The following AKAP8L variants were observed in gnomAD, a reference collection of about 807,000 sequenced individuals.
The protein encoded by AKAP8L is A-kinase anchoring protein 8 like, also known as A-kinase anchor protein 8-like.
In AKAP8L, 34 loss-of-function variants were observed where a neutral mutation model predicts 77.5. The ratio of observed to expected loss-of-function variants is 0.44; its 90% confidence interval spans 0.33 to 0.58. AKAP8L has a LOEUF of 0.58. Ranked by LOEUF, AKAP8L falls within the 20% of genes least tolerant of loss-of-function variation. The pLI is 0.02. For missense variants in AKAP8L, 806 were observed against 887.6 expected, an observed-to-expected ratio of 0.91 and a Z score of 1.17; for synonymous variants, 342 against 340.7, an observed-to-expected ratio of 1.00 and a Z score of -0.04.
At position 15,380,588 on chromosome 19, in the gene AKAP8L, A is replaced by C; in HGVS notation, c.1561T>G (p.Ser521Ala). 6.2e-7 allele frequency: 1 copy of C among 1,613,550 alleles called. No individual in the cohort carries two copies. The highest frequency in any genetic ancestry group is 2.2e-5 in the East Asian group (1 of 44,852). The change falls in exon 13 of 14, where the codon TCC (serine) becomes GCC (alanine). Residue 521 changes from serine to alanine, a missense_variant. By Grantham distance (99) the Ser-to-Ala change is moderately conservative. Transcript: ENST00000397410. ...RRLMMEQSKK[S>A]SLMVARSILN... ...ATACTGCGGGCCACCATGAGGGAGGACTTCTTGGACTGCTCCATCATGAGC... is the reference window on the plus strand; with the variant it reads ...ATACTGCGGGCCACCATGAGGGAGGCCTTCTTGGACTGCTCCATCATGAGC...
intron 12 of AKAP8L, chr19:15,382,168 AACTATTTTCTG>A (rs1371494872): frequency 1.3e-5 from 2 of 151,038 alleles, no homozygotes; most frequent in Admixed American, 1.3e-4. Flanking sequence ...ATAATTTTCT[AACTATTTTCTG>A]ATCTTGGTTT....
intron 8 of AKAP8L, chr19:15,400,020 C>T (rs1967858660): frequency 3.6e-6 from 2 of 549,870 alleles, no homozygotes; most frequent in East Asian, 3.1e-5. Context: ...GCCTGGGGTT[C>T]CCCACACTTT....
chr19:15,416,067 T>A (rs1407635192), intron 1 of AKAP8L, among the ~76,000 whole-genome samples: 1 of 151,812 alleles, frequency 6.6e-6, no homozygotes, highest in Non-Finnish European at 1.5e-5. Context: ...CCTCAAGCAA[T>A]CTTCCTGCCT....
At position 15,403,392 on chromosome 19, in the gene AKAP8L, G is replaced by A; in HGVS notation, c.362+83C>T. ...AGCGGGGAGGAAGCAGACACAGAGG[G>A]GCACTCAGAGAGGAAAACGCAGTGG... On this transcript the variant is annotated intron_variant, in intron 4 of 13. Coordinates refer to ENST00000397410, the MANE Select transcript of AKAP8L (RefSeq NM_014371.4). The surrounding 1 kb of genome is among the most constrained non-coding windows in gnomAD (Gnocchi z 4.3). The A allele has an allele frequency of 1.5e-6, 2 of 1,320,834 alleles. No individual in the cohort carries two copies. Among genetic ancestry groups the A allele is most frequent in the East Asian group, 2.3e-5 (1 of 43,416 alleles). 81.8% of individuals were successfully genotyped at this position (1,320,834 alleles called of 1,614,324 possible). A position where few individuals can be genotyped will look rare whatever the true frequency, so the allele number is the denominator to read the frequency against.
intron 12 of AKAP8L, among the ~76,000 whole-genome samples, chr19:15,395,848 G>C (rs1204518915): frequency 6.9e-6 from 1 of 144,280 alleles, no homozygotes; most frequent in African/African-American, 2.5e-5. Flanking sequence ...GCCGGGCGTG[G>C]TAGCGGGCGC....
chr19:15,411,351 A>T (rs1968101207), intron 1 of AKAP8L, among the ~76,000 whole-genome samples: 1 of 152,208 alleles, frequency 6.6e-6, no homozygotes, highest in Non-Finnish European at 1.5e-5. Context: ...AAAAGTGTGT[A>T]TAACAATTAT....
Position 15,399,384 on chromosome 19 carries a change from C to G in AKAP8L, c.1075G>C (p.Gly359Arg). 1.2e-6 allele frequency: 2 copies of G among 1,613,920 alleles called. No homozygotes were observed. The highest frequency in any genetic ancestry group is 1.7e-6 in the Non-Finnish European group (2 of 1,179,864). The part of the protein sequence containing the change: ...KGALTTQDEN[G>R]QTKRKLQAGK... ...GCCTGCAACTTGCGCTTGGTCTGGC[C>G]ATTTTCATCCTGGGTGGTTAGGGCC... The change falls in exon 9 of 14, where the codon GGC (glycine) becomes CGC (arginine). Residue 359 changes from glycine (G) to arginine (R), a missense_variant. Gly to Arg is a moderately radical substitution (Grantham distance 125). This residue lies in a region of AKAP8L where 580 missense variants were observed against 694.1 expected (regional missense o/e 0.84). Transcript: ENST00000397410. The surrounding 1 kb of genome is among the most constrained non-coding windows in gnomAD (Gnocchi z 6.1).
intron 12 of AKAP8L, among the ~76,000 whole-genome samples, chr19:15,385,491 G>T (rs937825920): frequency 6.6e-6 from 1 of 152,130 alleles, no homozygotes; most frequent in Non-Finnish European, 1.5e-5. Flanking sequence ...ACTGTTGCTA[G>T]ATTTCTTAGG....
intron 12 of AKAP8L, among the ~76,000 whole-genome samples, chr19:15,384,921 A>AGT (rs1382461072): frequency 2.0e-5 from 3 of 151,576 alleles, no homozygotes; most frequent in African/African-American, 7.3e-5. Flanking sequence ...CCCAGGCTGG[A>AGT]GTGCAGTGGC....
Position 15,397,707 on chromosome 19 carries a change from G to C in AKAP8L, c.1299+7C>G. The C allele has an allele frequency of 6.2e-7, 1 of 1,614,002 alleles. No homozygotes were observed. Among genetic ancestry groups the C allele is most frequent in the Non-Finnish European group, 8.5e-7 (1 of 1,179,884 alleles). ...ACTAAGAGCGGCTGTGTTACTCCAA[G>C]GCTCACCTGCAGAAAGTCAGCCGTC... On this transcript the variant is annotated splice_region_variant and intron_variant, in intron 10 of 13. Transcript: ENST00000397410. The surrounding 1 kb of genome is among the most constrained non-coding windows in gnomAD (Gnocchi z 4.7).
chr19:15,396,469 T>G (rs1000782953), intron 12 of AKAP8L, among the ~76,000 whole-genome samples: 2 of 152,204 alleles, frequency 1.3e-5, no homozygotes, highest in Non-Finnish European at 2.9e-5. Flanking sequence ...TCTCTTGCCT[T>G]ATGTTCTCCA....
Position 15,397,838 on chromosome 19 carries a change from G to C in AKAP8L, c.1175C>G (p.Ser392Cys). Reference sequence around the variant, plus strand: ...ATAGAAGGTCCGGTATTTGCACAGAGAACACACAAACTGGATCCTGCCACA... The same window carrying C: ...ATAGAAGGTCCGGTATTTGCACAGACAACACACAAACTGGATCCTGCCACA... ...RMVERIQFVC[S>C]LCKYRTFYED... The change falls in exon 10 of 14, where the codon TCT becomes TGT. Residue 392 changes from serine (S) to cysteine (C), a missense_variant. This residue lies in a region of AKAP8L where 580 missense variants were observed against 694.1 expected (regional missense o/e 0.84). Coordinates refer to ENST00000397410, the MANE Select transcript of AKAP8L (RefSeq NM_014371.4). This position sits in a 1 kb window ranked among gnomAD's most constrained non-coding sequence, Gnocchi z 4.7. The C allele has an allele frequency of 6.2e-7, 1 of 1,613,906 alleles. No homozygotes were observed. The highest frequency in any genetic ancestry group is 8.5e-7 in the Non-Finnish European group (1 of 1,179,860).
rs1215669269 is a variant in AKAP8L at position 15,397,765 on chromosome 19, G to A, written c.1248C>T (p.His416=). 6.2e-7 allele frequency: 1 copy of A among 1,613,920 alleles called. No individual in the cohort carries two copies. Among genetic ancestry groups the A allele is most frequent in the Non-Finnish European group, 8.5e-7 (1 of 1,179,898 alleles). ...SHLDSKFHKE[H]FKYVGTKLPK... The stretch of plus-strand genomic sequence containing the variant: ...GGAGCTTGGTGCCTACGTACTTAAA[G>A]TGTTCCTTGTGGAACTTGCTGTCAA... The change falls in exon 10 of 14, where the codon CAC becomes CAT. Residue 416 remains histidine, a synonymous_variant. Coordinates refer to ENST00000397410, the MANE Select transcript of AKAP8L (RefSeq NM_014371.4). This position sits in a 1 kb window ranked among gnomAD's most constrained non-coding sequence, Gnocchi z 4.7.
At chr19:15,412,560 T>C (rs1481075903) in intron 1 of AKAP8L, among the ~76,000 whole-genome samples, 1 of 152,120 alleles carries the variant, frequency 6.6e-6, no homozygotes, top group African/African-American at 2.4e-5. Context: ...TACATATATA[T>C]TTTTTTGAGA....
chr19:15,398,207 G>C lies in AKAP8L; in HGVS notation c.1158-352C>G. On this transcript the variant is annotated intron_variant, in intron 9 of 13. Coordinates refer to ENST00000397410, the MANE Select transcript of AKAP8L (RefSeq NM_014371.4). This position sits in a 1 kb window ranked among gnomAD's most constrained non-coding sequence, Gnocchi z 9.2. ...AGGAGCGTGTGCACTTGGCCCAGGT[G>C]GGGACCGGAAGGAAGGATGCCCTGG... The C allele has an allele frequency of 3.1e-6, 1 of 323,368 alleles. No individual in the cohort carries two copies. Among genetic ancestry groups the C allele is most frequent in the Non-Finnish European group, 5.9e-6 (1 of 169,272 alleles). 20.0% of individuals were successfully genotyped at this position (323,368 alleles called of 1,614,324 possible). A position where few individuals can be genotyped will look rare whatever the true frequency, so the allele number is the denominator to read the frequency against.
In AKAP8L at chr19:15,398,811, G is replaced by A. The variant is rs539943591; in HGVS notation, c.1157+491C>T. The A allele has an allele frequency of 3.4e-5, 34 of 1,008,414 alleles. No homozygotes were observed. Among genetic ancestry groups the A allele is most frequent in the East Asian group, 2.0e-4 (2 of 9,764 alleles). 62.5% of individuals were successfully genotyped at this position (1,008,414 alleles called of 1,614,324 possible). A position where few individuals can be genotyped will look rare whatever the true frequency, so the allele number is the denominator to read the frequency against. On this transcript the variant is annotated intron_variant, in intron 9 of 13. Coordinates refer to ENST00000397410, the MANE Select transcript of AKAP8L (RefSeq NM_014371.4). This position sits in a 1 kb window ranked among gnomAD's most constrained non-coding sequence, Gnocchi z 9.2. ...ACCAAGGGGCGTGAAGGGCTCAGCC[G>A]CAGACAGGCCCGGCCTGACAGGGCC...
intron 12 of AKAP8L, chr19:15,381,044 T>C (rs1967402858): frequency 6.1e-6 from 1 of 162,738 alleles, no homozygotes; most frequent in Non-Finnish European, 1.3e-5. Flanking sequence ...AACGTCTTTT[T>C]TAACCCACAG....
At chr19:15,413,237 T>C (rs551882451) in intron 1 of AKAP8L, among the ~76,000 whole-genome samples, 89 of 152,356 alleles carry the variant, frequency 5.8e-4, no homozygotes, top group African/African-American at 1.6e-3. Context: ...TTTCTACCAG[T>C]GTGGTGCCAA....
chr19:15,397,877 G>C lies in AKAP8L; in HGVS notation c.1158-22C>G. Reference sequence around the variant, plus strand: ...GATCCTGCCACAGGAAGGAAACGAGGGGCTGAGGCTGCAAGTGTCCCAGGG... The same window carrying C: ...GATCCTGCCACAGGAAGGAAACGAGCGGCTGAGGCTGCAAGTGTCCCAGGG... On this transcript the variant is annotated intron_variant, in intron 9 of 13. Coordinates refer to ENST00000397410, the MANE Select transcript of AKAP8L (RefSeq NM_014371.4). The surrounding 1 kb of genome is among the most constrained non-coding windows in gnomAD (Gnocchi z 4.7). The C allele has an allele frequency of 6.2e-7, 1 of 1,611,324 alleles. No homozygotes were observed. Among genetic ancestry groups the C allele is most frequent in the Non-Finnish European group, 8.5e-7 (1 of 1,178,730 alleles).
Sources: allele counts gnomAD v4.1 joint callset (sites outside exome capture counted in the v4.1 genomes callset), GRCh38; gene constraint gnomAD v4.1.1; regional missense constraint gnomAD v4.1.1; non-coding constraint Gnocchi (gnomAD v3.1); transcripts MANE v1.5; gene names NCBI Gene and HGNC (gene_info 2026-07-23, HGNC 2026-07-21).